NCOA3: variants seen among roughly 807,000 people sequenced by gnomAD.
NCOA3 encodes CBP-interacting protein.
NCOA3 carries 51 observed loss-of-function variants against 158.8 expected under a neutral mutation model. The ratio of observed to expected loss-of-function variants is 0.32; its 90% CI spans 0.26 to 0.41. NCOA3 has a LOEUF of 0.41. Among genes scored for constraint, NCOA3 ranks in the 10% least tolerant of loss-of-function variants. The pLI, the probability that NCOA3 is intolerant of heterozygous loss-of-function variation, is 1.00. For synonymous variants in NCOA3, 537 were observed against 592.4 expected (o/e 0.91, Z 1.36); for missense variants, 1,510 against 1,746.6 (o/e 0.86, Z 2.41).
At chr20:47,631,388 C>A (rs1302984594) in intron 8 of NCOA3, 1 of 152,224 alleles carries the variant, frequency 6.6e-6, no homozygotes, top group African/African-American at 2.4e-5. Context: ...TAACCACTTT[C>A]TTCTTTGCTC....
At chr20:47,629,454 C>T (rs1366917320) in intron 8 of NCOA3, among the ~76,000 whole-genome samples, 3 of 151,858 alleles carry the variant, frequency 2.0e-5, no homozygotes, top group East Asian at 1.9e-4. Context: ...CTCAGCCTCC[C>T]GAGTAGCTGA....
chr20:47,569,737 G>A (rs962211982), intron 1 of NCOA3, among the ~76,000 whole-genome samples: 11 of 152,020 alleles, frequency 7.2e-5, no homozygotes, highest in Non-Finnish European at 5.9e-5. Context: ...ATGGCTGGGC[G>A]CAGTGGCTCA....
At chr20:47,546,917 C>T (rs1048079686) in intron 1 of NCOA3, among the ~76,000 whole-genome samples, 7 of 152,096 alleles carry the variant, frequency 4.6e-5, no homozygotes, top group Non-Finnish European at 8.8e-5. Context: ...CCAGTGCAGG[C>T]ACATTCTTGC....
At chr20:47,570,469 C>T (rs2085273677) in intron 1 of NCOA3, among the ~76,000 whole-genome samples, 1 of 152,132 alleles carries the variant, frequency 6.6e-6, no homozygotes, top group Non-Finnish European at 1.5e-5. Context: ...TCCTCAAACT[C>T]CTCATCTGTT....
chr20:47,542,251 G>A (rs568513443), intron 1 of NCOA3, among the ~76,000 whole-genome samples: 1 of 151,228 alleles, frequency 6.6e-6, no homozygotes, highest in Non-Finnish European at 1.5e-5. Context: ...TGTTACTCAG[G>A]CTGGTCTGGA....
chr20:47,512,050 C>T (rs1460069552), intron 1 of NCOA3, among the ~76,000 whole-genome samples: 1 of 151,940 alleles, frequency 6.6e-6, no homozygotes, highest in Non-Finnish European at 1.5e-5. Flanking sequence ...TGCAGGGGCT[C>T]ATGCCCATAA....
intron 2 of NCOA3, among the ~76,000 whole-genome samples, chr20:47,594,664 C>CA (rs377014290): frequency 0.033 from 2,392 of 72,702 alleles, 298 homozygotes; most frequent in Non-Finnish European, 0.04. Flanking sequence ...GACTCTGTCT[C>CA]AAAAAAAAAA....
intron 20 of NCOA3, 34 bp downstream of exon 20, chr20:47,651,310 G>A: frequency 3.2e-6 from 5 of 1,575,826 alleles, no homozygotes; most frequent in Non-Finnish European, 4.3e-6. Context: ...CCTTCCCCAA[G>A]TTAACATTAC....
chr20:47,614,083 C>T lies in NCOA3; in HGVS notation c.-19-8146C>T, dbSNP rs72645231. Among the ~76,000 whole-genome samples, 673 of 80,602 alleles carry T rather than the reference C, an allele frequency of 8.3e-3. 7 individuals are homozygous for T. The highest frequency in any genetic ancestry group is 0.034 in the African/African-American group (640 of 18,776). 52.9% of individuals were successfully genotyped at this position (80,602 alleles called of 152,430 possible). On this transcript the variant is annotated intron_variant, in intron 2 of 22. Coordinates refer to ENST00000371998, the MANE Select transcript of NCOA3 (RefSeq NM_181659.3). ...ACAGTTCCACGTTATAAAAGCTCTT[C>T]CCTGCCTTCCCCTGTCCTTTACACA...
intron 19 of NCOA3, among the ~76,000 whole-genome samples, chr20:47,649,805 C>T (rs942713021): frequency 6.6e-6 from 1 of 152,004 alleles, no homozygotes; most frequent in Non-Finnish European, 1.5e-5. Context: ...CTAGAATGTC[C>T]TACAGAAAGA....
At chr20:47,542,011 T>TTTTTTGTTTTTTTTG (rs1568667695) in intron 1 of NCOA3, among the ~76,000 whole-genome samples, 3 of 104,830 alleles carry the variant, frequency 2.9e-5, no homozygotes, top group East Asian at 5.0e-4. Context: ...CCTGTAGAGT[T>TTTTTTGTTTTTTTTG]TTTTTTTTTT....
chr20:47,518,793 C>T (rs187519245), intron 1 of NCOA3, among the ~76,000 whole-genome samples: 11 of 152,184 alleles, frequency 7.2e-5, no homozygotes, highest in African/African-American at 1.7e-4. Context: ...TTTGAATCCA[C>T]GCTACCAATC....
intron 1 of NCOA3, among the ~76,000 whole-genome samples, chr20:47,538,360 G>T (rs3092220): frequency 1 from 152,316 of 152,316 alleles, 76,158 homozygotes; most frequent in Non-Finnish European, 1. Flanking sequence ...TTTATTTGGG[G>T]TAGAGAGTAG....
In NCOA3 at chr20:47,635,516, C is replaced by T. The variant is rs1243917454; in HGVS notation, c.1307C>T (p.Ser436Phe). Residue 436 changes from serine to phenylalanine, a missense_variant, in exon 11 of 23, where the codon TCC becomes TTC. This residue lies in a region of NCOA3 where 1,017 missense variants were observed against 1,098.3 expected (regional missense o/e 0.93). Coordinates refer to ENST00000371998, the MANE Select transcript of NCOA3 (RefSeq NM_181659.3). ...ATGAGTGGAGCTAGGTATGGGGGTT[C>T]CAGTAACATAGCTTCATTGACCCCT... ...GQMSGARYGG[S>F]SNIASLTPGP... 2 of 1,614,082 alleles carry T rather than the reference C, an allele frequency of 1.2e-6. No individual in the cohort carries two copies. Among genetic ancestry groups the T allele is most frequent in the Non-Finnish European group, 1.7e-6 (2 of 1,180,024 alleles).
intron 1 of NCOA3, among the ~76,000 whole-genome samples, chr20:47,536,067 T>C (rs1213064433): frequency 4.6e-5 from 7 of 152,182 alleles, no homozygotes; most frequent in African/African-American, 1.7e-4. Flanking sequence ...CTTAAGGTCC[T>C]GGGCTTATAT....
chr20:47,608,232 A>G (rs2085979219), intron 2 of NCOA3, among the ~76,000 whole-genome samples: 1 of 152,154 alleles, frequency 6.6e-6, no homozygotes, highest in Non-Finnish European at 1.5e-5. Context: ...AATCGCTCGA[A>G]CTGGGGAGGT....
intron 8 of NCOA3, among the ~76,000 whole-genome samples, chr20:47,632,121 T>C (rs1025241963): frequency 1.3e-5 from 2 of 152,220 alleles, no homozygotes; most frequent in Non-Finnish European, 2.9e-5. Flanking sequence ...TGACTGGCTA[T>C]AAATTGGGCT....
At chr20:47,567,724 C>T (rs1166639748) in intron 1 of NCOA3, among the ~76,000 whole-genome samples, 2 of 152,040 alleles carry the variant, frequency 1.3e-5, no homozygotes, top group African/African-American at 2.4e-5. Flanking sequence ...TACATGCTAC[C>T]GTGCCCGGCC....
At chr20:47,614,930 G>T (rs1452046516) in intron 2 of NCOA3, among the ~76,000 whole-genome samples, 1 of 152,176 alleles carries the variant, frequency 6.6e-6, no homozygotes, top group African/African-American at 2.4e-5. Context: ...GATAAGCTGA[G>T]AAATTTTCTG....
Sources: gnomAD v4.1 joint callset for allele counts (sites outside exome capture counted in the v4.1 genomes callset) on GRCh38, gnomAD v4.1.1 for gene constraint, gnomAD v4.1.1 regional missense constraint, MANE v1.5 for transcripts, NCBI Gene and HGNC (gene_info 2026-07-23, HGNC 2026-07-21) for gene names.